Variants in RERE observed in about 807,000 individuals in gnomAD.
RERE encodes the protein arginine-glutamic acid dipeptide repeats protein.
In RERE, 40 loss-of-function variants were observed where a neutral mutation model predicts 146.1. That is an observed-to-expected ratio of 0.27 (90% CI 0.21 to 0.36). The LOEUF is 0.36. RERE is among the 10% of genes least tolerant of loss of function. The pLI, the probability that RERE is intolerant of heterozygous loss-of-function variation, is 1.00. For synonymous variants in RERE, 1,003 were observed against 866.0 expected (o/e 1.16, Z -2.78); for missense variants, 1,933 against 2,138.7 (o/e 0.90, Z 1.90).
At chr1:8,560,747 A>G (rs530503842) in intron 4 of RERE, among the ~76,000 whole-genome samples, 1 of 152,334 alleles carries the variant, frequency 6.6e-6, no homozygotes, top group Admixed American at 6.5e-5. Flanking sequence ...AATCTGAAGA[A>G]CTGTGCCGAG....
intron 1 of RERE, among the ~76,000 whole-genome samples, chr1:8,736,930 T>C (rs892182552): frequency 2.0e-5 from 3 of 151,562 alleles, no homozygotes. Context: ...TTCCTTCTTA[T>C]ATAATTCCCA....
chr1:8,360,492 G>T lies in RERE; in HGVS notation c.3015C>A (p.Pro1005=), dbSNP rs201412477. ...QPLPSSPAQP[P]GLTQSQNLPP... is the part of the protein sequence containing the mutation. The stretch of plus-strand genomic sequence containing the variant: ...GCAGGTTCTGGCTCTGGGTCAGCCC[G>T]GGGGGCTGGGCGGGCGAGGAGGGCA... The change falls in exon 18 of 23, where the codon CCC becomes CCA. Residue 1005 remains proline, a synonymous_variant. Transcript: ENST00000400908. The T allele has an allele frequency of 7.8e-4, 1,069 of 1,364,564 alleles. 17 individuals are homozygous for T. The African/African-American group carries it at 0.015, about 19-fold the overall frequency. 84.5% of individuals were successfully genotyped at this position (1,364,564 alleles called of 1,614,324 possible). A position where few individuals can be genotyped will look rare whatever the true frequency, so the allele number is the denominator to read the frequency against.
chr1:8,390,470 T>C (rs1478143282), intron 12 of RERE, among the ~76,000 whole-genome samples: 1 of 152,170 alleles, frequency 6.6e-6, no homozygotes, highest in East Asian at 1.9e-4. Context: ...TAGTCCGAAC[T>C]GTATCAATAA....
intron 1 of RERE, among the ~76,000 whole-genome samples, chr1:8,722,498 A>G (rs1041718962): frequency 6.6e-6 from 1 of 152,210 alleles, no homozygotes; most frequent in Non-Finnish European, 1.5e-5. Flanking sequence ...ACCAAGAGAC[A>G]AAGGTGTTAA....
chr1:8,391,293 C>T (rs1002322098), intron 12 of RERE, among the ~76,000 whole-genome samples: 4 of 152,168 alleles, frequency 2.6e-5, no homozygotes, highest in Non-Finnish European at 4.4e-5. Context: ...AGCCTCCTAT[C>T]TATGTGGTCA....
At chr1:8,687,962 C>T (rs997231034) in intron 1 of RERE, among the ~76,000 whole-genome samples, 1 of 152,160 alleles carries the variant, frequency 6.6e-6, no homozygotes, top group Non-Finnish European at 1.5e-5. Context: ...CAATTAATCA[C>T]CAAGAACTGC....
rs569684593 is a variant in RERE, at chr1:8,669,955, C to A, written c.-144-13514G>T. On this transcript the variant is annotated intron_variant, in intron 1 of 22. Coordinates refer to ENST00000400908, the MANE Select transcript of RERE (RefSeq NM_001042681.2). ...AAAATGCACTTCTAATCCACAGGTA[C>A]AAATTATATCAAAGGAAAAATGGAA... 3.9e-5 allele frequency among the ~76,000 whole-genome samples: 6 copies of A among 152,286 alleles called. No homozygotes were observed. In the South Asian group the frequency reaches 1.0e-3, roughly 26 times the overall value.
chr1:8,406,685 G>A (rs1884353), intron 12 of RERE, among the ~76,000 whole-genome samples: 67,775 of 151,968 alleles, frequency 0.45, 16,727 homozygotes, highest in East Asian at 0.86. Flanking sequence ...GAAAGTCAAG[G>A]GTTACACACA....
At chr1:8,367,703 T>C (rs992782884) in intron 12 of RERE, among the ~76,000 whole-genome samples, 1 of 152,132 alleles carries the variant, frequency 6.6e-6, no homozygotes, top group Admixed American at 6.5e-5. Flanking sequence ...GATACTGCCA[T>C]TGGAATTTCT....
intron 3 of RERE, among the ~76,000 whole-genome samples, chr1:8,616,069 T>C (rs1646849302): frequency 6.6e-6 from 1 of 152,170 alleles, no homozygotes; most frequent in African/African-American, 2.4e-5. Flanking sequence ...TGCACTTGAA[T>C]GTACAGCATA....
intron 11 of RERE, among the ~76,000 whole-genome samples, chr1:8,426,653 C>T (rs754732369): frequency 2.0e-5 from 3 of 152,100 alleles, no homozygotes; most frequent in Non-Finnish European, 2.9e-5. Context: ...GCCCTTAGCC[C>T]CTACCTAAGA....
chr1:8,815,839 GTGTA>G (rs199594075), intron 1 of RERE, among the ~76,000 whole-genome samples: 3,841 of 151,194 alleles, frequency 0.025, 140 homozygotes, highest in African/African-American at 0.084. Context: ...TTGTGTGTGT[GTGTA>G]TGTGTGTGTG....
intron 2 of RERE, among the ~76,000 whole-genome samples, chr1:8,652,740 T>G (rs1647690648): frequency 6.6e-6 from 1 of 152,282 alleles, no homozygotes; most frequent in Admixed American, 6.5e-5. Context: ...ACTGCCCCCA[T>G]GATTCATTTA....
chr1:8,359,002 G>A, intron 19 of RERE, 86 bp from the exon 20 acceptor site: 1 of 1,445,908 alleles, frequency 6.9e-7, no homozygotes, highest in Non-Finnish European at 9.1e-7. Flanking sequence ...GCCTGGTCCT[G>A]CTCCTGGCCT....
chr1:8,475,915 A>C (rs1457971954), intron 10 of RERE, among the ~76,000 whole-genome samples: 1 of 152,212 alleles, frequency 6.6e-6, no homozygotes, highest in Non-Finnish European at 1.5e-5. Context: ...ATTTGTCTGA[A>C]TGGTCTTACG....
intron 1 of RERE, among the ~76,000 whole-genome samples, chr1:8,809,882 G>A (rs1641770434): frequency 6.6e-6 from 1 of 152,106 alleles, no homozygotes. Context: ...AAATGAGTGA[G>A]AAGGTTATAA....
At chr1:8,498,740 C>CACACACACACACACACAT (rs1645084727) in intron 8 of RERE, among the ~76,000 whole-genome samples, 1 of 147,912 alleles carries the variant, frequency 6.8e-6, no homozygotes, top group African/African-American at 2.5e-5. Flanking sequence ...TATACACACA[C>CACACACACACACACACAT]ACACACACAC....
chr1:8,501,191 CGTCCGGG>C (rs1645142523), intron 8 of RERE, among the ~76,000 whole-genome samples: 1 of 148,272 alleles, frequency 6.7e-6, no homozygotes, highest in Non-Finnish European at 1.5e-5. Flanking sequence ...CCAGCCGCCC[CGTCCGGG>C]AGGGAGGTGG....
chr1:8,680,134 T>C (rs1187069500), intron 1 of RERE, among the ~76,000 whole-genome samples: 1 of 152,142 alleles, frequency 6.6e-6, no homozygotes, highest in Non-Finnish European at 1.5e-5. Context: ...GTGACACCAA[T>C]GTCCTTTTCC....
Sources: allele counts gnomAD v4.1 joint callset (sites outside exome capture counted in the v4.1 genomes callset), GRCh38; gene constraint gnomAD v4.1.1; transcripts MANE v1.5; gene names NCBI Gene and HGNC (gene_info 2026-07-23, HGNC 2026-07-21).